Variants in MACROH2A2 observed in about 807,000 individuals in gnomAD.
MACROH2A2 encodes the protein core histone macro-H2A.2.
A neutral mutation model predicts 37.6 loss-of-function variants in MACROH2A2; 6 were observed. That is an observed-to-expected ratio of 0.16 (90% CI 0.09 to 0.32). The LOEUF (loss-of-function observed/expected upper bound fraction) is 0.32. Ranked by LOEUF, MACROH2A2 falls within the 10% of genes least tolerant of loss-of-function variation. MACROH2A2 has a pLI of 1.00. For synonymous variants in MACROH2A2, 192 were observed against 202.7 expected (o/e 0.95, Z 0.45); for missense variants, 290 against 485.9 (o/e 0.60, Z 3.79).
chr10:70,102,954 C>G (rs1233131737), intron 7 of MACROH2A2, among the ~76,000 whole-genome samples: 1 of 150,096 alleles, frequency 6.7e-6, no homozygotes, highest in Non-Finnish European at 1.5e-5. Flanking sequence ...GGCCTCGGCT[C>G]CAGGTCTATA....
At position 70,053,785 on chromosome 10, in the gene MACROH2A2, T is replaced by C. The variant is rs537163957; in HGVS notation, c.-60+785T>C. Among the ~76,000 whole-genome samples, 285 of 152,074 alleles carry C rather than the reference T, an allele frequency of 1.9e-3. No individual in the cohort carries two copies. Among genetic ancestry groups the C allele is most frequent in the African/African-American group, 6.5e-3 (271 of 41,526 alleles). Reference sequence around the variant, plus strand: ...TCACCGGGAAATGGCGGCCCGGCCGTGGCTCGCCTGGGCAGTCTGGCTCCC... The same window carrying C: ...TCACCGGGAAATGGCGGCCCGGCCGCGGCTCGCCTGGGCAGTCTGGCTCCC... On this transcript the variant is annotated intron_variant, in intron 1 of 8. Transcript: ENST00000373255. The surrounding 1 kb of genome is among the most constrained non-coding windows in gnomAD (Gnocchi z 4.8).
intron 8 of MACROH2A2, among the ~76,000 whole-genome samples, chr10:70,110,500 C>T (rs908832612): frequency 1.3e-5 from 2 of 152,172 alleles, no homozygotes; most frequent in African/African-American, 2.4e-5. Context: ...GCTAATAAAA[C>T]TTCTGTTTGC....
At chr10:70,105,942 T>C (rs757240501) in intron 7 of MACROH2A2, among the ~76,000 whole-genome samples, 8 of 151,720 alleles carry the variant, frequency 5.3e-5, no homozygotes, top group Non-Finnish European at 1.2e-4. Context: ...AGGAGGAAAA[T>C]GGCTTGCAGA....
At chr10:70,094,204 G>A (rs1286199179) in intron 5 of MACROH2A2, among the ~76,000 whole-genome samples, 1 of 151,634 alleles carries the variant, frequency 6.6e-6, no homozygotes, top group Non-Finnish European at 1.5e-5. Context: ...GCTTCTGAGA[G>A]GCCCATCTTA....
At chr10:70,087,857 T>C (rs933569275) in intron 2 of MACROH2A2, among the ~76,000 whole-genome samples, 1 of 152,250 alleles carries the variant, frequency 6.6e-6, no homozygotes, top group African/African-American at 2.4e-5. Flanking sequence ...CTTTTCTTTA[T>C]GGAAATGCCT....
chr10:70,111,385 A>C, intron 8 of MACROH2A2, 133 bp from the exon 9 acceptor site: 1 of 658,142 alleles, frequency 1.5e-6, no homozygotes, highest in East Asian at 2.9e-5. Flanking sequence ...CCCTTTGGCT[A>C]GGGTCAAAGG....
intron 6 of MACROH2A2, chr10:70,098,477 A>C (rs991316803): frequency 6.6e-6 from 1 of 152,100 alleles, no homozygotes; most frequent in Non-Finnish European, 1.5e-5. Context: ...CACGCACTGC[A>C]GTTGGTTGAT....
At position 70,095,813 on chromosome 10, in the gene MACROH2A2, T is replaced by C. The variant is rs1589838907; in HGVS notation, c.688+60T>C. The C allele has an allele frequency of 5.0e-6, 4 of 804,548 alleles. No individual in the cohort carries two copies. In the East Asian group the frequency reaches 7.5e-5, roughly 15 times the overall value. 49.8% of individuals were successfully genotyped at this position (804,548 alleles called of 1,614,324 possible). A position where few individuals can be genotyped will look rare whatever the true frequency, so the allele number is the denominator to read the frequency against. On this transcript the variant is annotated intron_variant, in intron 6 of 8. Transcript: ENST00000373255. Reference sequence around the variant, plus strand: ...AATAGGCCACTGTTCAGGCAAGTTCTTGTGAAGCTGATCATTGTCAACTGG... The same window carrying C: ...AATAGGCCACTGTTCAGGCAAGTTCCTGTGAAGCTGATCATTGTCAACTGG...
At chr10:70,081,959 A>G (rs377375385) in intron 2 of MACROH2A2, among the ~76,000 whole-genome samples, 90 of 152,338 alleles carry the variant, frequency 5.9e-4, no homozygotes, top group South Asian at 3.3e-3. Flanking sequence ...TACCCCATAC[A>G]TATATACACC....
rs1295832599 is a variant in MACROH2A2 at position 70,053,249 on chromosome 10, AGG to A, written c.-60+252_-60+253del. Reference sequence around the variant, plus strand: ...AGTGGTCAAATTCCTGCGGCCAGCGAGGGGCCGGGGGCGTCGAGGGTACTGAG... The same window carrying A: ...AGTGGTCAAATTCCTGCGGCCAGCGAGGCCGGGGGCGTCGAGGGTACTGAG... On this transcript the variant is annotated intron_variant, in intron 1 of 8. Transcript: ENST00000373255. The surrounding 1 kb of genome is among the most constrained non-coding windows in gnomAD (Gnocchi z 4.8). Among the ~76,000 whole-genome samples the A allele has an allele frequency of 6.6e-6, 1 of 152,134 alleles. No homozygotes were observed. Among genetic ancestry groups the A allele is most frequent in the African/African-American group, 2.4e-5 (1 of 41,442 alleles).
chr10:70,091,759 G>C lies in MACROH2A2; in HGVS notation c.282G>C (p.Leu94=). 6.2e-7 allele frequency: 1 copy of C among 1,612,744 alleles called. No individual in the cohort carries two copies. The highest frequency in any genetic ancestry group is 1.1e-5 in the South Asian group (1 of 91,054). The change falls in exon 4 of 9, where the codon CTG becomes CTC. Residue 94 remains leucine (L), a splice_region_variant and synonymous_variant. Coordinates refer to ENST00000373255, the MANE Select transcript of MACROH2A2 (RefSeq NM_018649.3). ...AVANDEELNQ[L]LKGVTIASGG... is the part of the protein sequence containing the mutation. ...AGCGCATGCATTTCTCTCTTCAGCT[G>C]CTAAAAGGAGTGACCATCGCCAGTG...
chr10:70,066,110 G>C (rs941716662), intron 1 of MACROH2A2, among the ~76,000 whole-genome samples: 1 of 152,028 alleles, frequency 6.6e-6, no homozygotes, highest in Admixed American at 6.6e-5. Context: ...GTTCACAGGC[G>C]GGGGGATCAC....
At chr10:70,063,051 C>A (rs1015823856) in intron 1 of MACROH2A2, among the ~76,000 whole-genome samples, 1 of 151,956 alleles carries the variant, frequency 6.6e-6, no homozygotes, top group African/African-American at 2.4e-5. Context: ...TGTCTAATGG[C>A]CCACCTTGCT....
chr10:70,057,264 T>C (rs904930444), intron 1 of MACROH2A2, among the ~76,000 whole-genome samples: 2 of 151,934 alleles, frequency 1.3e-5, no homozygotes, highest in Non-Finnish European at 2.9e-5. Context: ...AGGGGGCTGG[T>C]TCTAGTTTGG....
chr10:70,081,068 CAAAAAAAAAA>C (rs34688764), intron 2 of MACROH2A2, among the ~76,000 whole-genome samples: 2 of 45,832 alleles, frequency 4.4e-5, no homozygotes, highest in Non-Finnish European at 3.9e-5. Flanking sequence ...CCCTGTCTCT[CAAAAAAAAAA>C]AAAAAAAAAA....
chr10:70,071,875 G>A (rs1792747117), intron 1 of MACROH2A2, among the ~76,000 whole-genome samples: 1 of 152,164 alleles, frequency 6.6e-6, no homozygotes, highest in South Asian at 2.1e-4. Flanking sequence ...AAGTACTCTG[G>A]GTGAGTGAGT....
intron 2 of MACROH2A2, among the ~76,000 whole-genome samples, chr10:70,086,757 C>A (rs2072214306): frequency 6.6e-6 from 1 of 152,162 alleles, no homozygotes; most frequent in Non-Finnish European, 1.5e-5. Context: ...AACCCCCAGA[C>A]CCATCTAGAA....
At position 70,111,672 on chromosome 10, in the gene MACROH2A2, G is replaced by C; in HGVS notation, c.1108G>C (p.Asp370His). The change falls in exon 9 of 9, where the codon GAC becomes CAC. Residue 370 changes from aspartate (D) to histidine (H), a missense_variant. Physicochemically the swap from Asp to His is moderately conservative, Grantham distance 81. This residue lies in a region of MACROH2A2 where 130 missense variants were observed against 257.1 expected (regional missense o/e 0.51). Transcript: ENST00000373255. ...GIYVQEMAKL[D>H]AK ...CTACGTGCAGGAGATGGCCAAGCTC[G>C]ACGCCAAGTAGCCGCCGCACTTTCC... 1 of 1,606,570 alleles carries C rather than the reference G, an allele frequency of 6.2e-7. No individual in the cohort carries two copies. Among genetic ancestry groups the C allele is most frequent in the East Asian group, 2.2e-5 (1 of 44,592 alleles).
chr10:70,066,968 CA>C, intron 1 of MACROH2A2, among the ~76,000 whole-genome samples: 1 of 152,216 alleles, frequency 6.6e-6, no homozygotes, highest in South Asian at 2.1e-4. Context: ...GAATGGCCCC[CA>C]GGTGTAGTGC....
Sources: allele counts gnomAD v4.1 joint callset (sites outside exome capture counted in the v4.1 genomes callset), GRCh38; gene constraint gnomAD v4.1.1; regional missense constraint gnomAD v4.1.1; non-coding constraint Gnocchi (gnomAD v3.1); transcripts MANE v1.5; gene names NCBI Gene and HGNC (gene_info 2026-07-23, HGNC 2026-07-21).